The following KIF26B variants were observed in gnomAD, a reference collection of about 807,000 sequenced individuals.
KIF26B encodes the protein kinesin-like protein KIF26B.
In KIF26B, 63 loss-of-function variants were observed where a neutral mutation model predicts 151.2. The ratio of observed to expected loss-of-function variants is 0.42; its 90% CI spans 0.34 to 0.51. The LOEUF is 0.51. Ranked by LOEUF, KIF26B falls within the 20% of genes least tolerant of loss-of-function variation. KIF26B has a pLI of 0.07. For synonymous variants in KIF26B, 1,357 were observed against 1,262.1 expected (o/e 1.08, Z -1.59); for missense variants, 2,813 against 2,913.6 (o/e 0.97, Z 0.79).
intron 2 of KIF26B, among the ~76,000 whole-genome samples, chr1:245,252,079 G>A (rs538483742): frequency 4.2e-4 from 64 of 151,806 alleles, no homozygotes; most frequent in Non-Finnish European, 6.9e-4. Flanking sequence ...TCTGGGCAAC[G>A]TGGTAAAAAC....
chr1:245,423,645 A>G (rs1572054680), intron 4 of KIF26B, among the ~76,000 whole-genome samples: 1 of 152,148 alleles, frequency 6.6e-6, no homozygotes, highest in African/African-American at 2.4e-5. Flanking sequence ...ATAAGAGGTG[A>G]CACATTTGTT....
intron 4 of KIF26B, among the ~76,000 whole-genome samples, chr1:245,518,197 C>A (rs10924226): frequency 0.25 from 37,810 of 152,018 alleles, 5,738 homozygotes; most frequent in East Asian, 0.49. Flanking sequence ...TTCATATTTC[C>A]TGATGACTAA....
chr1:245,356,366 G>A (rs1558400886), intron 2 of KIF26B, among the ~76,000 whole-genome samples: 1 of 152,076 alleles, frequency 6.6e-6, no homozygotes, highest in Non-Finnish European at 1.5e-5. Flanking sequence ...GAGCAGCCTG[G>A]CCAACATGGT....
chr1:245,490,332 A>G (rs1176093907), intron 4 of KIF26B, among the ~76,000 whole-genome samples: 2 of 51,572 alleles, frequency 3.9e-5, no homozygotes, highest in Non-Finnish European at 7.3e-5. Flanking sequence ...TTTTTTTTTG[A>G]GACAGAGTCT....
chr1:245,392,340 A>G (rs556592019), intron 3 of KIF26B, among the ~76,000 whole-genome samples: 1 of 152,358 alleles, frequency 6.6e-6, no homozygotes, highest in South Asian at 2.1e-4. Context: ...TAAAGGTTAT[A>G]TAAAAATATT....
Position 245,566,704 on chromosome 1 carries a change from C to T in KIF26B, c.1350+25754C>T, listed in dbSNP as rs563526995. Among the ~76,000 whole-genome samples, 6 of 152,226 alleles carry T rather than the reference C, an allele frequency of 3.9e-5. No individual in the cohort carries two copies. The East Asian group carries it at 7.8e-4, about 20-fold the overall frequency. ...CAGCACTTTGGGAGGCCAAGGCAGG[C>T]GGATCAGAAGATCAGGAGTTCGAGA... On this transcript the variant is annotated intron_variant, in intron 5 of 14. Coordinates refer to ENST00000407071, the MANE Select transcript of KIF26B (RefSeq NM_018012.4).
At chr1:245,599,013 C>T (rs148053489) in intron 5 of KIF26B, among the ~76,000 whole-genome samples, 95 of 152,164 alleles carry the variant, frequency 6.2e-4, no homozygotes, top group African/African-American at 1.5e-3. Context: ...GGGAGAAGGC[C>T]GTGCCTGTTA....
At chr1:245,387,893 A>AC (rs1673591573) in intron 3 of KIF26B, among the ~76,000 whole-genome samples, 1 of 151,682 alleles carries the variant, frequency 6.6e-6, no homozygotes, top group African/African-American at 2.4e-5. Context: ...ACTTCCCCCA[A>AC]CCTCTGGTCA....
chr1:245,660,531 G>A (rs555867094), intron 10 of KIF26B, among the ~76,000 whole-genome samples: 2 of 151,878 alleles, frequency 1.3e-5, no homozygotes, highest in South Asian at 4.2e-4. Flanking sequence ...TCTAGAGCCA[G>A]GGTCTCACTG....
At position 245,280,448 on chromosome 1, in the gene KIF26B, G is replaced by A. The variant is rs186118450; in HGVS notation, c.466-86386G>A. On this transcript the variant is annotated intron_variant, in intron 2 of 14. Transcript: ENST00000407071. ...CGGGAGGCTGAGGCAGGAGAATGGC[G>A]TGAACCTGGGAGACAGAGCTTGCAG... is the stretch of plus-strand genomic sequence containing the variant. Among the ~76,000 whole-genome samples, 414 of 148,230 alleles carry A rather than the reference G, an allele frequency of 2.8e-3. 4 individuals carry two copies. The highest frequency in any genetic ancestry group is 0.015 in the East Asian group (77 of 5,000).
At chr1:245,345,433 C>T (rs912185586) in intron 2 of KIF26B, among the ~76,000 whole-genome samples, 8 of 152,168 alleles carry the variant, frequency 5.3e-5, no homozygotes, top group African/African-American at 1.7e-4. Flanking sequence ...CGTCCCCCTC[C>T]GCACCTCTCT....
Position 245,352,611 on chromosome 1 carries a change from T to A in KIF26B, c.466-14223T>A, listed in dbSNP as rs564200638. ...ACCTGGGAAATACTTGGAGTACAGT[T>A]TTGTCATTTTAATCCTTTTTTGGAC... On this transcript the variant is annotated intron_variant, in intron 2 of 14. Transcript: ENST00000407071. The surrounding 1 kb of genome is among the most constrained non-coding windows in gnomAD (Gnocchi z 5.0). Among the ~76,000 whole-genome samples the A allele has an allele frequency of 2.0e-5, 3 of 152,310 alleles. No homozygotes were observed. Among genetic ancestry groups the A allele is most frequent in the African/African-American group, 7.2e-5 (3 of 41,544 alleles).
chr1:245,647,435 A>AAG (rs1553300131), intron 10 of KIF26B, among the ~76,000 whole-genome samples: 8 of 149,330 alleles, frequency 5.4e-5, no homozygotes, highest in African/African-American at 2.0e-4. Context: ...AAAAAAAAAA[A>AAG]AAAAAAAAGA....
chr1:245,657,254 C>T lies in KIF26B; in HGVS notation c.2258+10974C>T, dbSNP rs191804555. On this transcript the variant is annotated intron_variant, in intron 10 of 14. Transcript: ENST00000407071. ...TCAAATGTGTCTGTCTTTAAAACAC[C>T]GCGTTGGTGTCTTTCAAACCACTTA... Among the ~76,000 whole-genome samples the T allele has an allele frequency of 2.6e-5, 4 of 152,258 alleles. 1 individual carries two copies. The highest frequency in any genetic ancestry group is 3.9e-4 in the East Asian group (2 of 5,180).
intron 2 of KIF26B, among the ~76,000 whole-genome samples, chr1:245,279,406 C>T (rs1670997947): frequency 1.3e-5 from 2 of 150,584 alleles, no homozygotes; most frequent in Non-Finnish European, 2.9e-5. Context: ...TTCCTGGGCT[C>T]AAGCAATCCT....
At position 245,540,833 on chromosome 1, in the gene KIF26B, C is replaced by G; in HGVS notation, c.1233C>G (p.Ala411=). 1 of 1,613,930 alleles carries G rather than the reference C, an allele frequency of 6.2e-7. No individual in the cohort carries two copies. The highest frequency in any genetic ancestry group is 8.5e-7 in the Non-Finnish European group (1 of 1,179,848). ...ATCGGCCTTCCACTTCTTCCGCTGCCGAACCACCGCTCTTTGCAACCAGCT... is the reference window on the plus strand; with the variant it reads ...ATCGGCCTTCCACTTCTTCCGCTGCGGAACCACCGCTCTTTGCAACCAGCT... ...KKHRPSTSSA[A]EPPLFATSFS... Residue 411 remains alanine, a synonymous_variant, in exon 5 of 15, where the codon GCC becomes GCG. Coordinates refer to ENST00000407071, the MANE Select transcript of KIF26B (RefSeq NM_018012.4). This position sits in a 1 kb window ranked among gnomAD's most constrained non-coding sequence, Gnocchi z 4.6.
chr1:245,210,147 G>A (rs1159502475), intron 2 of KIF26B, among the ~76,000 whole-genome samples: 1 of 152,234 alleles, frequency 6.6e-6, no homozygotes, highest in African/African-American at 2.4e-5. Context: ...CAGGGTGTCT[G>A]CAGCCTCACA....
chr1:245,686,233 T>C lies in KIF26B; in HGVS notation c.3250T>C (p.Ser1084Pro), dbSNP rs1258688063. 2 of 1,612,390 alleles carry C rather than the reference T, an allele frequency of 1.2e-6. No homozygotes were observed. Among genetic ancestry groups the C allele is most frequent in the Non-Finnish European group, 8.5e-7 (1 of 1,179,822 alleles). ...SKTSEYKPPS[S>P]PSQRCKVYTQ... ...GACCTCGGAGTACAAGCCACCCAGC[T>C]CTCCTTCCCAGAGATGCAAAGTCTA... The change falls in exon 12 of 15, where the codon TCT becomes CCT. Residue 1084 changes from serine (S) to proline (P), a missense_variant. This residue lies in a region of KIF26B where 2,060 missense variants were observed against 2,088.6 expected (regional missense o/e 0.99). Transcript: ENST00000407071. This position sits in a 1 kb window ranked among gnomAD's most constrained non-coding sequence, Gnocchi z 5.6.
In KIF26B at chr1:245,609,283, A is replaced by G. The variant is rs961759569; in HGVS notation, c.1669A>G (p.Ile557Val). ...TCTCCCAGGAAAATCCTACACCATG[A>G]TCGGAAAGGATGATTCCATGCAGAA... Reference protein sequence around the residue: ...HAKLGKSYTMIGKDDSMQNLG... With the variant: ...HAKLGKSYTMVGKDDSMQNLG... The change falls in exon 8 of 15, where the codon ATC becomes GTC. Residue 557 changes from isoleucine to valine, a missense_variant. Around this residue, in one of 3 missense-constraint regions of KIF26B, gnomAD observed 77 missense variants for 136.9 expected, o/e 0.56. Coordinates refer to ENST00000407071, the MANE Select transcript of KIF26B (RefSeq NM_018012.4). 9 of 1,605,860 alleles carry G rather than the reference A, an allele frequency of 5.6e-6. No individual in the cohort carries two copies. Among genetic ancestry groups the G allele is most frequent in the African/African-American group, 1.3e-5 (1 of 74,738 alleles).
Sources: gnomAD v4.1 joint callset for allele counts (sites outside exome capture counted in the v4.1 genomes callset) on GRCh38, gnomAD v4.1.1 for gene constraint, gnomAD v4.1.1 regional missense constraint, Gnocchi (gnomAD v3.1) non-coding constraint, MANE v1.5 for transcripts, NCBI Gene and HGNC (gene_info 2026-07-23, HGNC 2026-07-21) for gene names.